Variants in IFT56 observed in about 807,000 individuals in gnomAD.
The protein encoded by IFT56 is intraflagellar transport 56, also known as intraflagellar transport protein 56.
chr7:139,134,611 A>C, the IFT56 span: 23 of 1,550,712 alleles, frequency 1.5e-5, no homozygotes, highest in Non-Finnish European at 1.7e-5. Flanking sequence ...TTTAAATCTG[A>C]TAATCAGAAT....
At chr7:139,158,230 C>T in the IFT56 span, among the ~76,000 whole-genome samples, 17 of 147,330 alleles carry the variant, frequency 1.2e-4, no homozygotes, top group Middle Eastern at 3.6e-3. Context: ...AGGAGAATCG[C>T]TTGAACCTGG....
chr7:139,165,076 C>T, the IFT56 span: 1 of 1,398,048 alleles, frequency 7.2e-7, no homozygotes, highest in South Asian at 1.3e-5. Flanking sequence ...TAAACATTGT[C>T]ACCAATAAAT....
chr7:139,174,311 G>A, the IFT56 span: 1 of 557,676 alleles, frequency 1.8e-6, no homozygotes, highest in Non-Finnish European at 3.6e-6. Flanking sequence ...ACCTGGTGCT[G>A]GGCCACACTG....
chr7:139,140,079 A>T, the IFT56 span: 2 of 1,002,972 alleles, frequency 2.0e-6, no homozygotes, highest in Non-Finnish European at 2.9e-6. Flanking sequence ...ACTTAATTGT[A>T]TTCCTTTTTC....
At chr7:139,161,781 T>C in the IFT56 span, among the ~76,000 whole-genome samples, 1 of 152,212 alleles carries the variant, frequency 6.6e-6, no homozygotes, top group Admixed American at 6.5e-5. Flanking sequence ...CAGTATCTTA[T>C]ATTTACTCCA....
the IFT56 span, among the ~76,000 whole-genome samples, chr7:139,160,309 T>C: frequency 8.5e-5 from 13 of 152,334 alleles, no homozygotes; most frequent in East Asian, 7.7e-4. Context: ...TCAACCTTAG[T>C]TGTTTAAGGC....
the IFT56 span, chr7:139,168,582 CAA>C: frequency 5.4e-6 from 2 of 372,118 alleles, no homozygotes; most frequent in Non-Finnish European, 4.8e-6. Flanking sequence ...AAAAAAAAAA[CAA>C]AAAAAAAACT....
At chr7:139,142,427 A>T in the IFT56 span, 2 of 861,476 alleles carry the variant, frequency 2.3e-6, no homozygotes, top group Non-Finnish European at 3.6e-6. Context: ...TTTCTAGAAC[A>T]AGTGGAATAT....
At chr7:139,141,436 T>C in the IFT56 span, among the ~76,000 whole-genome samples, 5 of 152,134 alleles carry the variant, frequency 3.3e-5, no homozygotes, top group African/African-American at 1.2e-4. Context: ...CAGCAAAGCC[T>C]TTCTTGATTT....
chr7:139,138,486 C>T, the IFT56 span, among the ~76,000 whole-genome samples: 2 of 152,160 alleles, frequency 1.3e-5, no homozygotes, highest in African/African-American at 4.8e-5. Context: ...AACATATCCC[C>T]TGTGGATAAA....
the IFT56 span, among the ~76,000 whole-genome samples, chr7:139,137,532 C>T: frequency 6.6e-6 from 1 of 152,222 alleles, no homozygotes; most frequent in African/African-American, 2.4e-5. Flanking sequence ...CTCTAACCTT[C>T]AGTTATTTGG....
At chr7:139,186,390 C>T in the IFT56 span, among the ~76,000 whole-genome samples, 4 of 150,916 alleles carry the variant, frequency 2.7e-5, no homozygotes, top group African/African-American at 9.8e-5. Flanking sequence ...GGCACCACTG[C>T]ACTCCAGCCT....
At chr7:139,164,015 ATTTG>A in the IFT56 span, among the ~76,000 whole-genome samples, 117 of 152,146 alleles carry the variant, frequency 7.7e-4, no homozygotes, top group African/African-American at 1.7e-3. Context: ...CCTTTCATGG[ATTTG>A]TTTGTTTGTT....
the IFT56 span, among the ~76,000 whole-genome samples, chr7:139,145,995 C>T: frequency 6.6e-6 from 1 of 151,920 alleles, no homozygotes; most frequent in East Asian, 1.9e-4. Context: ...TTCTTCCAGT[C>T]TTTAAAAAAT....
chr7:139,144,695 C>T, the IFT56 span, among the ~76,000 whole-genome samples: 1 of 151,968 alleles, frequency 6.6e-6, no homozygotes, highest in East Asian at 1.9e-4. Flanking sequence ...TTTTACTAAT[C>T]ATCATTCTTC....
the IFT56 span, among the ~76,000 whole-genome samples, chr7:139,185,736 C>T: frequency 2.0e-5 from 3 of 151,880 alleles, no homozygotes; most frequent in Non-Finnish European, 2.9e-5. Flanking sequence ...GTAGTGTTTA[C>T]AGTATTTTCA....
the IFT56 span, chr7:139,169,231 A>G: frequency 7.2e-7 from 1 of 1,396,894 alleles, no homozygotes; most frequent in Non-Finnish European, 1.0e-6. Flanking sequence ...ACCATATAGT[A>G]TAATAAAATA....
At chr7:139,141,314 T>TA in the IFT56 span, among the ~76,000 whole-genome samples, 8 of 150,848 alleles carry the variant, frequency 5.3e-5, no homozygotes, top group African/African-American at 1.9e-4. Flanking sequence ...GTACAGTGGC[T>TA]ATTCATAGGT....
At chr7:139,174,379 G>A in the IFT56 span, 2 of 455,688 alleles carry the variant, frequency 4.4e-6, no homozygotes, top group Non-Finnish European at 4.4e-6. Flanking sequence ...TCCACTGGCG[G>A]CCCGCGTTGG....
Sources: gnomAD v4.1 joint callset for allele counts (sites outside exome capture counted in the v4.1 genomes callset) on GRCh38, gnomAD v4.1.1 for gene constraint, MANE v1.5 for transcripts, NCBI Gene and HGNC (gene_info 2026-07-23, HGNC 2026-07-21) for gene names.